Variants in GALNT15 observed in about 807,000 individuals in gnomAD.
GALNT15 encodes the protein UDP-GalNAc transferase T15.
In GALNT15, 67 loss-of-function variants were observed where a neutral mutation model predicts 66.8. The ratio of observed to expected loss-of-function variants is 1.00; its 90% CI spans 0.82 to 1.23. GALNT15 has a LOEUF of 1.23. Ranked by LOEUF, GALNT15 falls within the 50% of genes most tolerant of loss-of-function variation. The pLI is 0.00. For synonymous variants in GALNT15, 313 were observed against 311.5 expected, an observed-to-expected ratio of 1.00 and a Z score of -0.05; for missense variants, 827 against 804.3, an observed-to-expected ratio of 1.03 and a Z score of -0.34.
rs2063402951 is a variant in GALNT15 at position 16,175,781 on chromosome 3, C to T, written c.539+91C>T. On this transcript the variant is annotated intron_variant, in intron 1 of 9. Coordinates refer to ENST00000339732, the MANE Select transcript of GALNT15 (RefSeq NM_054110.5). This position sits in a 1 kb window ranked among gnomAD's most constrained non-coding sequence, Gnocchi z 5.6. The stretch of plus-strand genomic sequence containing the variant: ...AATGCAAACTTTCCGTAGCCTGCCT[C>T]TCCTGACTTAGAGCAAGTGCTTTTC... 1.7e-6 allele frequency: 2 copies of T among 1,190,754 alleles called. No individual in the cohort carries two copies. The highest frequency in any genetic ancestry group is 2.3e-6 in the Non-Finnish European group (2 of 867,600). 73.8% of individuals were successfully genotyped at this position (1,190,754 alleles called of 1,614,324 possible). A position where few individuals can be genotyped will look rare whatever the true frequency, so the allele number is the denominator to read the frequency against.
At chr3:16,230,729 A>G (rs984179198), downstream of GALNT15, among the ~76,000 whole-genome samples, 2 of 152,232 alleles carry the variant, frequency 1.3e-5, no homozygotes, top group Admixed American at 6.5e-5. This position sits in a 1 kb window ranked among gnomAD's most constrained non-coding sequence, Gnocchi z 4.5. Flanking sequence ...AGTTCTTTTA[A>G]AAGTGCAAAT....
downstream of GALNT15, among the ~76,000 whole-genome samples, chr3:16,232,787 C>T (rs1044107765): frequency 2.0e-5 from 3 of 151,588 alleles, no homozygotes; most frequent in Non-Finnish European, 4.4e-5. Flanking sequence ...CAGTGCTCCT[C>T]AAATTTTCCT....
chr3:16,229,177 C>T lies in GALNT15; in HGVS notation c.*1677C>T, dbSNP rs2064055392. ...AACTGAGTGGGAAGTGCAGTGTTTC[C>T]AAACAATACCTATCATAACTACGTA... On this transcript the variant is annotated 3_prime_UTR_variant, in exon 10 of 10. Transcript: ENST00000339732. 2.0e-6 allele frequency: 2 copies of T among 985,196 alleles called. No individual in the cohort carries two copies. Among genetic ancestry groups the T allele is most frequent in the Non-Finnish European group, 2.4e-6 (2 of 829,882 alleles). 61.0% of individuals were successfully genotyped at this position (985,196 alleles called of 1,614,324 possible).
rs1288719358 is a variant in GALNT15, at chr3:16,203,557, A to T, written c.911+2734A>T. The stretch of plus-strand genomic sequence containing the variant: ...CTCTCTCTCTCTCACACACACACAC[A>T]CACACACACACACACACACACACAC... On this transcript the variant is annotated intron_variant, in intron 3 of 9. Coordinates refer to ENST00000339732, the MANE Select transcript of GALNT15 (RefSeq NM_054110.5). This position sits in a 1 kb window ranked among gnomAD's most constrained non-coding sequence, Gnocchi z 6.2. 9.7e-5 allele frequency among the ~76,000 whole-genome samples: 14 copies of T among 145,008 alleles called. No individual in the cohort carries two copies. Among genetic ancestry groups the T allele is most frequent in the African/African-American group, 3.1e-4 (12 of 39,000 alleles).
At chr3:16,231,762 C>T (rs2064084092), downstream of GALNT15, 1 of 1,494,296 alleles carries the variant, frequency 6.7e-7, no homozygotes, top group East Asian at 2.5e-5. The surrounding 1 kb of genome is among the most constrained non-coding windows in gnomAD (Gnocchi z 4.1). Context: ...TCCTTCCTCT[C>T]TCTCTCCCTC....
intron 6 of GALNT15, among the ~76,000 whole-genome samples, chr3:16,216,442 T>C (rs1215535045): frequency 1.3e-5 from 2 of 149,602 alleles, no homozygotes; most frequent in African/African-American, 5.0e-5. Context: ...GAGTTTGTAG[T>C]GAGCTGATAT....
At position 16,211,623 on chromosome 3, in the gene GALNT15, T is replaced by A. The variant is rs572728445; in HGVS notation, c.1197+382T>A. ...AAGTTCTGTGTATTGAGTAGTTTGG[T>A]CCAAACAATGTAATACTTGTCATAA... is the stretch of plus-strand genomic sequence containing the variant. On this transcript the variant is annotated intron_variant, in intron 5 of 9. Coordinates refer to ENST00000339732, the MANE Select transcript of GALNT15 (RefSeq NM_054110.5). This position sits in a 1 kb window ranked among gnomAD's most constrained non-coding sequence, Gnocchi z 4.3. 1.3e-5 allele frequency among the ~76,000 whole-genome samples: 2 copies of A among 152,310 alleles called. No individual in the cohort carries two copies. The highest frequency in any genetic ancestry group is 4.8e-5 in the African/African-American group (2 of 41,566).
At chr3:16,218,593 G>A (rs2063905551) in intron 6 of GALNT15, among the ~76,000 whole-genome samples, 3 of 152,016 alleles carry the variant, frequency 2.0e-5, no homozygotes, top group Non-Finnish European at 4.4e-5. Flanking sequence ...TTCATTAATG[G>A]TACCCAGAGG....
rs1251589581 is a variant in GALNT15, at chr3:16,186,720, G to A, written c.540-9040G>A. Among the ~76,000 whole-genome samples the A allele has an allele frequency of 6.6e-6, 1 of 152,212 alleles. No individual in the cohort carries two copies. Among genetic ancestry groups the A allele is most frequent in the African/African-American group, 2.4e-5 (1 of 41,438 alleles). On this transcript the variant is annotated intron_variant, in intron 1 of 9. Coordinates refer to ENST00000339732, the MANE Select transcript of GALNT15 (RefSeq NM_054110.5). The surrounding 1 kb of genome is among the most constrained non-coding windows in gnomAD (Gnocchi z 5.1). ...TTATGTCATTTCATTCATATGAAGT[G>A]TCCAAAGTAGGCAAGTCTGTAAAGA...
rs2063499014 is a variant in GALNT15 at position 16,184,420 on chromosome 3, A to T, written c.539+8730A>T. Among the ~76,000 whole-genome samples, 1 of 152,136 alleles carries T rather than the reference A, an allele frequency of 6.6e-6. No homozygotes were observed. The highest frequency in any genetic ancestry group is 2.4e-5 in the African/African-American group (1 of 41,416). On this transcript the variant is annotated intron_variant, in intron 1 of 9. Transcript: ENST00000339732. The surrounding 1 kb of genome is among the most constrained non-coding windows in gnomAD (Gnocchi z 5.0). The stretch of plus-strand genomic sequence containing the variant: ...ATGTCTTTCCTTCAGTTCCTGGTAC[A>T]TGCCAGCCCTTTCCCACCTCTGGGC...
At position 16,174,848 on chromosome 3, in the gene GALNT15, A is replaced by G. The variant is rs1297536493; in HGVS notation, c.-304A>G. 7.7e-6 allele frequency: 3 copies of G among 387,740 alleles called. No individual in the cohort carries two copies. Among genetic ancestry groups the G allele is most frequent in the Non-Finnish European group, 1.4e-5 (3 of 213,926 alleles). 24.0% of individuals were successfully genotyped at this position (387,740 alleles called of 1,614,324 possible). The stretch of plus-strand genomic sequence containing the variant: ...AATCATTATTTTTTTCCCAAGGAGA[A>G]AACCGGGGTAAAGGGAGGGAAGCAA... On this transcript the variant is annotated 5_prime_UTR_variant, in exon 1 of 10. Coordinates refer to ENST00000339732, the MANE Select transcript of GALNT15 (RefSeq NM_054110.5). The surrounding 1 kb of genome is among the most constrained non-coding windows in gnomAD (Gnocchi z 4.7).
rs1273709643 is a variant in GALNT15 at position 16,181,428 on chromosome 3, A to C, written c.539+5738A>C. ...AGGGATATCTTCTGCTTTGTTCCCC[A>C]CTTCCTGCCCCAGAGGCCATAATGG... On this transcript the variant is annotated intron_variant, in intron 1 of 9. Transcript: ENST00000339732. The surrounding 1 kb of genome is among the most constrained non-coding windows in gnomAD (Gnocchi z 5.9). Among the ~76,000 whole-genome samples the C allele has an allele frequency of 6.6e-6, 1 of 151,996 alleles. No individual in the cohort carries two copies. Among genetic ancestry groups the C allele is most frequent in the East Asian group, 1.9e-4 (1 of 5,142 alleles).
At chr3:16,232,131 T>G, downstream of GALNT15, 1 of 474,558 alleles carries the variant, frequency 2.1e-6, no homozygotes. Context: ...ACCATATGGC[T>G]ATAGTGGGAG....
In GALNT15 at chr3:16,224,564, A is replaced by C. The variant is rs931438617; in HGVS notation, c.1773+1806A>C. 6.7e-6 allele frequency among the ~76,000 whole-genome samples: 1 copy of C among 148,432 alleles called. No homozygotes were observed. The highest frequency in any genetic ancestry group is 2.6e-5 in the African/African-American group (1 of 38,494). ...GGTTATAGAGTTTCACTTTTACAAG[A>C]TGAAAAAGTTCTGGATATCTGTTTC... On this transcript the variant is annotated intron_variant, in intron 9 of 9. Transcript: ENST00000339732. This position sits in a 1 kb window ranked among gnomAD's most constrained non-coding sequence, Gnocchi z 5.2.
chr3:16,194,101 C>A (rs987688609), intron 1 of GALNT15, among the ~76,000 whole-genome samples: 6 of 152,154 alleles, frequency 3.9e-5, no homozygotes, highest in Admixed American at 2.0e-4. Flanking sequence ...GTAGAACATT[C>A]AGCGCTGCCA....
chr3:16,225,918 A>T lies in GALNT15; in HGVS notation c.1774-1436A>T, dbSNP rs6770213. Among the ~76,000 whole-genome samples the T allele has an allele frequency of 0.7, 105,707 of 151,212 alleles. 37,422 individuals carry two copies. The highest frequency in any genetic ancestry group is 0.84 in the East Asian group (4,283 of 5,100). ...CAAAAAATTAGCTGGGCATGGTGTC[A>T]CATGCCTGTAATCCCAGCTACACGG... is the stretch of plus-strand genomic sequence containing the variant. On this transcript the variant is annotated intron_variant, in intron 9 of 9. Transcript: ENST00000339732. The surrounding 1 kb of genome is among the most constrained non-coding windows in gnomAD (Gnocchi z 4.4).
At chr3:16,230,983 G>A (rs1345584285), downstream of GALNT15, among the ~76,000 whole-genome samples, 1 of 152,118 alleles carries the variant, frequency 6.6e-6, no homozygotes, top group Non-Finnish European at 1.5e-5. This position sits in a 1 kb window ranked among gnomAD's most constrained non-coding sequence, Gnocchi z 4.5. Context: ...ATGAGTTCAT[G>A]TCCTTTGCAG....
downstream of GALNT15, among the ~76,000 whole-genome samples, chr3:16,236,189 G>A (rs59339047): frequency 6.9e-6 from 1 of 144,076 alleles, no homozygotes; most frequent in Non-Finnish European, 1.5e-5. Flanking sequence ...GTATGGAGAA[G>A]AATTAATACA....
chr3:16,233,252 G>A (rs1559698725), downstream of GALNT15, among the ~76,000 whole-genome samples: 2 of 151,448 alleles, frequency 1.3e-5, no homozygotes, highest in Non-Finnish European at 2.9e-5. Flanking sequence ...GCATCACCAC[G>A]CCTGGCTAAT....
Sources: allele counts gnomAD v4.1 joint callset (sites outside exome capture counted in the v4.1 genomes callset), GRCh38; gene constraint gnomAD v4.1.1; non-coding constraint Gnocchi (gnomAD v3.1); transcripts MANE v1.5; gene names NCBI Gene and HGNC (gene_info 2026-07-23, HGNC 2026-07-21).